Variants in PRMT2 observed in about 807,000 individuals in gnomAD.
The protein encoded by PRMT2 is protein arginine N-methyltransferase 2.
In PRMT2, 26 loss-of-function variants were observed where a neutral mutation model predicts 57.6. The observed-to-expected ratio is 0.45, with a 90% confidence interval of 0.33 to 0.63. The LOEUF is 0.63. Ranked by LOEUF, PRMT2 falls within the 20% of genes least tolerant of loss-of-function variation. PRMT2 has a pLI of 0.02. For missense variants in PRMT2, 472 were observed against 564.4 expected (o/e 0.84, Z 1.66); for synonymous variants, 219 against 220.0 (o/e 1.00, Z 0.04).
rs1205074677 is a variant in PRMT2, at chr21:46,649,772, G to A, written c.654+33G>A. ...CGGGCGTGCGGGCAGCTGGGGGCCG[G>A]AGCTGGGGGGCTTCTGAGCACGGGC... On this transcript the variant is annotated intron_variant, in intron 7 of 11. Coordinates refer to ENST00000355680, the MANE Select transcript of PRMT2 (RefSeq NM_206962.4). The surrounding 1 kb of genome is among the most constrained non-coding windows in gnomAD (Gnocchi z 4.8). 1.6e-5 allele frequency: 25 copies of A among 1,598,462 alleles called. No individual in the cohort carries two copies. The highest frequency in any genetic ancestry group is 2.1e-5 in the Non-Finnish European group (25 of 1,172,354).
chr21:46,647,328 T>G (rs921390782), intron 5 of PRMT2, among the ~76,000 whole-genome samples: 8 of 152,214 alleles, frequency 5.3e-5, no homozygotes, highest in African/African-American at 1.9e-4. Flanking sequence ...GTTTTGTGAC[T>G]TTGTGAAATT....
rs2061673252 is a variant in PRMT2 at position 46,664,330 on chromosome 21, G to C, written c.*3G>C. ...AAGTCTTCCCCATCTGGAGATGACA[G>C]TTGATGCTTTATTTGGAAAGCAGTG... On this transcript the variant is annotated 3_prime_UTR_variant, in exon 12 of 12. Transcript: ENST00000355680. 1 of 1,614,034 alleles carries C rather than the reference G, an allele frequency of 6.2e-7. No individual in the cohort carries two copies. Among genetic ancestry groups the C allele is most frequent in the Non-Finnish European group, 8.5e-7 (1 of 1,180,002 alleles).
intron 10 of PRMT2, among the ~76,000 whole-genome samples, chr21:46,662,196 C>T (rs934055730): frequency 1.3e-5 from 2 of 152,182 alleles, no homozygotes; most frequent in Admixed American, 6.5e-5. Flanking sequence ...ACAGCCCCAA[C>T]GGGAGGAGCT....
chr21:46,653,082 G>A, intron 7 of PRMT2: 2 of 1,034,708 alleles, frequency 1.9e-6, no homozygotes, highest in South Asian at 6.2e-5. Flanking sequence ...TATGTGATGA[G>A]GACATATTAT....
chr21:46,664,320 G>A lies in PRMT2; in HGVS notation c.1295G>A (p.Trp432Ter). The change falls in exon 12 of 12, where the codon TGG (tryptophan) becomes TAG (stop). Residue 432 changes from tryptophan to a stop codon, truncating the protein, a stop_gained. Transcript: ENST00000355680. LOFTEE classifies it high-confidence loss of function. ...GTTGGAGAAAAAGTCTTCCCCATCT[G>A]GAGATGACAGTTGATGCTTTATTTG... ...QKVGEKVFPI[W>*]R 6.2e-7 allele frequency: 1 copy of A among 1,614,006 alleles called. No individual in the cohort carries two copies. The highest frequency in any genetic ancestry group is 1.1e-5 in the South Asian group (1 of 91,084).
intron 3 of PRMT2, among the ~76,000 whole-genome samples, chr21:46,637,763 A>G (rs952577202): frequency 1.6e-4 from 24 of 149,316 alleles, no homozygotes; most frequent in South Asian, 4.1e-4. Flanking sequence ...ATGTGTGTGT[A>G]TATACATATA....
Position 46,663,545 on chromosome 21 carries a change from A to T in PRMT2, c.1260A>T (p.Thr420=). 3 of 1,613,790 alleles carry T rather than the reference A, an allele frequency of 1.9e-6. No individual in the cohort carries two copies. Among genetic ancestry groups the T allele is most frequent in the Non-Finnish European group, 8.5e-7 (1 of 1,179,694 alleles). ...SWAVTSRQDP[T]SQKVGEKVFP... ...CTGTCACTTCCAGACAAGACCCCAC[A>T]TCTCAAAAAGTAAGATACGTAGTTG... Residue 420 remains threonine, a synonymous_variant, in exon 11 of 12, where the codon ACA becomes ACT. Transcript: ENST00000355680.
At position 46,664,536 on chromosome 21, in the gene PRMT2, C is replaced by T. The variant is rs999958357; in HGVS notation, c.*209C>T. ...GCAGGAGCTGCCGTGGCCACCCCCG[C>T]TGCCCAGTGTCTGCCCTCTAGAAGT... On this transcript the variant is annotated 3_prime_UTR_variant, in exon 12 of 12. Coordinates refer to ENST00000355680, the MANE Select transcript of PRMT2 (RefSeq NM_206962.4). The T allele has an allele frequency of 7.8e-6, 5 of 637,760 alleles. No individual in the cohort carries two copies. The highest frequency in any genetic ancestry group is 2.4e-5 in the Admixed American group (1 of 41,546). The allele number at this position is 637,760 out of a possible 1,614,324, so 39.5% of individuals were successfully genotyped here. A position where few individuals can be genotyped will look rare whatever the true frequency, so the allele number is the denominator to read the frequency against.
At chr21:46,652,273 A>T (rs2148988961) in intron 7 of PRMT2, 1 of 1,321,368 alleles carries the variant, frequency 7.6e-7, no homozygotes, top group African/African-American at 1.5e-5. Flanking sequence ...TTTTTCTAAG[A>T]ACCAAGTTCA....
rs1380105024 is a variant in PRMT2 at position 46,643,631 on chromosome 21, G to A, written c.136G>A (p.Glu46Lys). 1 of 1,608,334 alleles carries A rather than the reference G, an allele frequency of 6.2e-7. No homozygotes were observed. Among genetic ancestry groups the A allele is most frequent in the East Asian group, 2.2e-5 (1 of 44,690 alleles). Residue 46 changes from glutamate to lysine, a missense_variant, in exon 4 of 12, where the codon GAG becomes AAG. Physicochemically the swap from Glu to Lys is moderately conservative, Grantham distance 56. Coordinates refer to ENST00000355680, the MANE Select transcript of PRMT2 (RefSeq NM_206962.4). ...CATCGCGGACTACGCTGCCACCGAT[G>A]AGACCCAGGTAGCCACACGTGGTGG... Reference protein sequence around the residue: ...VAIADYAATDETQLSFLRGEK... With the variant: ...VAIADYAATDKTQLSFLRGEK...
Position 46,653,250 on chromosome 21 carries a change from CTG to C in PRMT2, c.654+3513_654+3514del, listed in dbSNP as rs1412469166. The C allele has an allele frequency of 5.1e-6, 5 of 985,260 alleles. No individual in the cohort carries two copies. In the African/African-American group the frequency reaches 8.7e-5, roughly 17 times the overall value. 61.0% of individuals were successfully genotyped at this position (985,260 alleles called of 1,614,324 possible). On this transcript the variant is annotated intron_variant, in intron 7 of 11. Transcript: ENST00000355680. ...ACACAGCCTTGTACTGTTTTATTGA[CTG>C]TATTATCACAAATCCTGAGCTTAAC...
intron 3 of PRMT2, among the ~76,000 whole-genome samples, chr21:46,638,619 G>C (rs2061216864): frequency 6.6e-6 from 1 of 152,204 alleles, no homozygotes; most frequent in Admixed American, 6.5e-5. Flanking sequence ...ACACTTGACA[G>C]TATCAGACTT....
intron 10 of PRMT2, 124 bp downstream of exon 10, chr21:46,662,060 TGGG>T (rs1569165963): frequency 9.4e-5 from 1 of 10,670 alleles, no homozygotes; most frequent in Admixed American, 1.4e-3. Context: ...GTGGGGCACG[TGGG>T]GGCGCGGGCA....
At chr21:46,641,074 G>A (rs2148964728) in intron 3 of PRMT2, among the ~76,000 whole-genome samples, 1 of 139,614 alleles carries the variant, frequency 7.2e-6, no homozygotes. Context: ...CCATGAGCCA[G>A]GATCATGCCA....
Position 46,644,301 on chromosome 21 carries a change from T to A in PRMT2, c.145-5T>A. On this transcript the variant is annotated splice_polypyrimidine_tract_variant and splice_region_variant and intron_variant, in intron 4 of 11. Transcript: ENST00000355680. ...CTTATTGAATTTTAACTTTTTTTTT[T>A]CCAGCTCAGTTTTTTGAGAGGAGAA... 1 of 1,601,008 alleles carries A rather than the reference T, an allele frequency of 6.2e-7. No individual in the cohort carries two copies. The highest frequency in any genetic ancestry group is 8.5e-7 in the Non-Finnish European group (1 of 1,176,472).
intron 7 of PRMT2, chr21:46,650,034 T>G: frequency 7.6e-7 from 1 of 1,313,746 alleles, no homozygotes; most frequent in Non-Finnish European, 1.0e-6. Context: ...GCCTAACAGG[T>G]AAGGCTGTTT....
chr21:46,645,487 G>T (rs1601926321), intron 5 of PRMT2, among the ~76,000 whole-genome samples: 1 of 152,186 alleles, frequency 6.6e-6, no homozygotes, highest in South Asian at 2.1e-4. Context: ...TAAAAGCCCA[G>T]CTTCTAAATA....
At chr21:46,663,875 C>T (rs1470559038) in intron 11 of PRMT2, among the ~76,000 whole-genome samples, 2 of 152,190 alleles carry the variant, frequency 1.3e-5, no homozygotes, top group African/African-American at 4.8e-5. Context: ...GGACAGAAGC[C>T]TGAGCTGTGC....
Position 46,659,692 on chromosome 21 carries a change from T to C in PRMT2, c.830+772T>C, listed in dbSNP as rs535216390. 5 of 985,170 alleles carry C rather than the reference T, an allele frequency of 5.1e-6. No homozygotes were observed. In the African/African-American group the frequency reaches 7.0e-5, roughly 14 times the overall value. 61.0% of individuals were successfully genotyped at this position (985,170 alleles called of 1,614,324 possible). On this transcript the variant is annotated intron_variant, in intron 8 of 11. Coordinates refer to ENST00000355680, the MANE Select transcript of PRMT2 (RefSeq NM_206962.4). The stretch of plus-strand genomic sequence containing the variant: ...CAGGGAGGTGTGGCTGCCAGGGCCT[T>C]AGAGGTTGGCATCAGGCTGCCCACC...
Sources: allele counts gnomAD v4.1 joint callset (sites outside exome capture counted in the v4.1 genomes callset), GRCh38; gene constraint gnomAD v4.1.1; non-coding constraint Gnocchi (gnomAD v3.1); transcripts MANE v1.5; gene names NCBI Gene and HGNC (gene_info 2026-07-23, HGNC 2026-07-21).